The following DOCK8 variants were observed in gnomAD, a reference collection of about 807,000 sequenced individuals.
The protein encoded by DOCK8 is dedicator of cytokinesis protein 8.
In DOCK8, 141 loss-of-function variants were observed where a neutral mutation model predicts 245.6. The ratio of observed to expected loss-of-function variants is 0.57; its 90% CI spans 0.50 to 0.66. The LOEUF is 0.66. DOCK8 is among the 30% of genes least tolerant of loss of function. The pLI, the probability that DOCK8 is intolerant of heterozygous loss-of-function variation, is 0.00. For synonymous variants in DOCK8, 1,168 were observed against 970.2 expected (o/e 1.20, Z -3.79); for missense variants, 2,965 against 2,603.4 (o/e 1.14, Z -3.02).
chr9:215,368 CGTGTTGGGCGCGCCACGGA>C, intron 1 of DOCK8: 1 of 1,591,670 alleles, frequency 6.3e-7, no homozygotes, highest in Non-Finnish European at 8.5e-7. Context: ...CCTGGGTAAC[CGTGTTGGGCGCGCCACGGA>C]GTGTCTCATA....
intron 7 of DOCK8, among the ~76,000 whole-genome samples, chr9:325,451 T>C (rs1267958792): frequency 6.6e-6 from 1 of 152,244 alleles, no homozygotes; most frequent in African/African-American, 2.4e-5. Flanking sequence ...TCCACCATGC[T>C]TTTGTAATGT....
At chr9:296,178 C>T (rs1435834579) in intron 4 of DOCK8, among the ~76,000 whole-genome samples, 1 of 152,174 alleles carries the variant, frequency 6.6e-6, no homozygotes, top group Non-Finnish European at 1.5e-5. Context: ...TACTGATTAG[C>T]ATGGCGCCAT....
chr9:420,336 G>A, intron 30 of DOCK8, 65 bp from the exon 31 acceptor site: 2 of 1,574,566 alleles, frequency 1.3e-6, no homozygotes, highest in Non-Finnish European at 1.7e-6. Flanking sequence ...TGACTGTTAA[G>A]CCTCAAATTT....
At chr9:211,359 G>A (rs76532765), upstream of DOCK8, among the ~76,000 whole-genome samples, 1,019 of 152,226 alleles carry the variant, frequency 6.7e-3, 11 homozygotes, top group Non-Finnish European at 8.7e-3. Context: ...ATACGAGCTA[G>A]CTAGAAAAGG....
rs1410036422 is a variant in DOCK8 at position 399,108 on chromosome 9, G to A, written c.3121-38G>A. 4 of 1,585,012 alleles carry A rather than the reference G, an allele frequency of 2.5e-6. No homozygotes were observed. In the Admixed American group the frequency reaches 5.0e-5, roughly 20 times the overall value. ...TGACCTGGAAGTTCAAATCCAGAGT[G>A]TCCCACAAAATGATTTGGGTGTTTG... On this transcript the variant is annotated intron_variant, in intron 25 of 47. Coordinates refer to ENST00000432829, the MANE Select transcript of DOCK8 (RefSeq NM_203447.4).
intron 3 of DOCK8, among the ~76,000 whole-genome samples, chr9:288,161 T>C (rs894872094): frequency 1.3e-5 from 2 of 152,130 alleles, no homozygotes; most frequent in Non-Finnish European, 2.9e-5. Context: ...GTAACATACC[T>C]GTCTGATGTC....
rs1241267489 is a variant in DOCK8 at position 420,946 on chromosome 9, C to T, written c.4024-3C>T. ...CATGTCCTCCTACCTCTGTCTTGTC[C>T]AGGGAAAACAGAGTTCTGACAAAGT... On this transcript the variant is annotated splice_region_variant and splice_polypyrimidine_tract_variant and intron_variant, in intron 31 of 47. Coordinates refer to ENST00000432829, the MANE Select transcript of DOCK8 (RefSeq NM_203447.4). 7 of 1,614,030 alleles carry T rather than the reference C, an allele frequency of 4.3e-6. No individual in the cohort carries two copies. The Admixed American group carries it at 1.0e-4, about 23-fold the overall frequency.
At chr9:283,498 C>G (rs959036973) in intron 2 of DOCK8, among the ~76,000 whole-genome samples, 1 of 152,066 alleles carries the variant, frequency 6.6e-6, no homozygotes, top group African/African-American at 2.4e-5. Context: ...TCTCCATCAC[C>G]CAAATAGCAT....
chr9:427,395 G>C (rs1288771003), intron 34 of DOCK8, among the ~76,000 whole-genome samples: 1 of 152,142 alleles, frequency 6.6e-6, no homozygotes, highest in African/African-American at 2.4e-5. Context: ...GACTAGGCTA[G>C]GTAAAAAGAG....
chr9:306,953 C>A (rs1451335989), intron 5 of DOCK8, among the ~76,000 whole-genome samples: 2 of 152,160 alleles, frequency 1.3e-5, no homozygotes. Context: ...GGACTCACGC[C>A]TCACAGGAGG....
chr9:328,071 T>C lies in DOCK8; in HGVS notation c.944T>C (p.Phe315Ser). 1 of 1,614,218 alleles carries C rather than the reference T, an allele frequency of 6.2e-7. No homozygotes were observed. Among genetic ancestry groups the C allele is most frequent in the Non-Finnish European group, 8.5e-7 (1 of 1,180,014 alleles). ...CDLNSDQFKG[F>S]LRAHTPSVAA... ...CTGAACTCTGACCAGTTCAAAGGATTTCTGCGAGCTCACACGCCTTCAGTG... is the reference window on the plus strand; with the variant it reads ...CTGAACTCTGACCAGTTCAAAGGATCTCTGCGAGCTCACACGCCTTCAGTG... The change falls in exon 9 of 48, where the codon TTT becomes TCT. Residue 315 changes from phenylalanine to serine, a missense_variant. This residue lies in a region of DOCK8 where 2,825 missense variants were observed against 2,453.5 expected (regional missense o/e 1.15). Transcript: ENST00000432829.
chr9:452,424 C>T (rs531701545), intron 46 of DOCK8: 1 of 187,274 alleles, frequency 5.3e-6, no homozygotes, highest in Admixed American at 5.8e-5. Context: ...CCGTGTGCCT[C>T]ACAATCACTT....
chr9:402,313 C>T (rs1021627025), intron 26 of DOCK8, among the ~76,000 whole-genome samples: 1 of 152,148 alleles, frequency 6.6e-6, no homozygotes, highest in Non-Finnish European at 1.5e-5. Context: ...TGCCAAAGAT[C>T]CCTAGACCAG....
intron 5 of DOCK8, among the ~76,000 whole-genome samples, chr9:307,906 T>C (rs2049923642): frequency 6.6e-6 from 1 of 152,172 alleles, no homozygotes; most frequent in Admixed American, 6.5e-5. Context: ...AGTCCTGTCA[T>C]TTGCATCAAC....
At chr9:388,305 C>T (rs559097561) in intron 23 of DOCK8, among the ~76,000 whole-genome samples, 14 of 152,138 alleles carry the variant, frequency 9.2e-5, no homozygotes, top group Non-Finnish European at 1.6e-4. Context: ...AATGTGTTAA[C>T]GCATATTAAA....
intron 44 of DOCK8, among the ~76,000 whole-genome samples, chr9:448,473 G>A (rs952328674): frequency 6.6e-6 from 1 of 152,162 alleles, no homozygotes; most frequent in African/African-American, 2.4e-5. Flanking sequence ...GTTTGCTAGG[G>A]CTGTAGAACA....
At chr9:423,000 A>C (rs2131659634) in intron 33 of DOCK8, among the ~76,000 whole-genome samples, 1 of 151,296 alleles carries the variant, frequency 6.6e-6, no homozygotes, top group East Asian at 1.9e-4. Context: ...AAAAAAAAAA[A>C]AAAGAACCTC....
intron 20 of DOCK8, among the ~76,000 whole-genome samples, chr9:379,183 C>T (rs2053636181): frequency 6.6e-6 from 1 of 152,084 alleles, no homozygotes; most frequent in South Asian, 2.1e-4. Flanking sequence ...TATATTGGAG[C>T]CAAACTATAG....
intron 44 of DOCK8, 37 bp downstream of exon 44, chr9:446,643 T>C (rs760487787): frequency 6.2e-6 from 10 of 1,600,216 alleles, no homozygotes; most frequent in Non-Finnish European, 8.6e-6. Flanking sequence ...ACTGGATGAG[T>C]GGGCTGGGTG....
Sources: gnomAD v4.1 joint callset for allele counts (sites outside exome capture counted in the v4.1 genomes callset) on GRCh38, gnomAD v4.1.1 for gene constraint, gnomAD v4.1.1 regional missense constraint, MANE v1.5 for transcripts, NCBI Gene and HGNC (gene_info 2026-07-23, HGNC 2026-07-21) for gene names.